Variants in RBMS3 observed in about 807,000 individuals in gnomAD.
RBMS3 encodes the protein RNA-binding motif, single-stranded-interacting protein 3.
A neutral mutation model predicts 66.8 loss-of-function variants in RBMS3; 27 were observed. The observed-to-expected ratio is 0.40, with a 90% CI of 0.30 to 0.56. The LOEUF (loss-of-function observed/expected upper bound fraction) is 0.56. Ranked by LOEUF, RBMS3 falls within the 20% of genes least tolerant of loss-of-function variation. The pLI is 0.40. For synonymous variants in RBMS3, 188 were observed against 183.0 expected (o/e 1.03, Z -0.22); for missense variants, 513 against 549.5 (o/e 0.93, Z 0.66).
intron 3 of RBMS3, among the ~76,000 whole-genome samples, chr3:29,513,757 G>T (rs2044505612): frequency 6.6e-6 from 1 of 151,918 alleles, no homozygotes; most frequent in Non-Finnish European, 1.5e-5. Context: ...CATTTCTGTT[G>T]CCTTCTATTT....
intron 4 of RBMS3, among the ~76,000 whole-genome samples, chr3:29,659,096 C>T (rs764251287): frequency 4.6e-5 from 7 of 152,164 alleles, no homozygotes; most frequent in Non-Finnish European, 1.0e-4. Flanking sequence ...GGATTCGAGG[C>T]ATGAGCCACA....
chr3:29,466,368 T>A (rs1373160694), intron 2 of RBMS3, among the ~76,000 whole-genome samples: 1 of 152,134 alleles, frequency 6.6e-6, no homozygotes, highest in Non-Finnish European at 1.5e-5. Flanking sequence ...CAGTGAACTC[T>A]CCAAAATGCT....
chr3:29,697,142 A>G (rs2052316833), intron 4 of RBMS3: 3 of 977,002 alleles, frequency 3.1e-6, no homozygotes, highest in Non-Finnish European at 3.6e-6. Flanking sequence ...TTTCTTATAC[A>G]GTAATATGGA....
At chr3:29,840,298 TA>T (rs1420760110) in intron 6 of RBMS3, among the ~76,000 whole-genome samples, 1 of 152,066 alleles carries the variant, frequency 6.6e-6, no homozygotes, top group African/African-American at 2.4e-5. Context: ...AAAGTTACAT[TA>T]AAAATGTACT....
At chr3:29,988,303 G>GTGTAGTCCCCCAT in intron 13 of RBMS3, 80 bp downstream of exon 13, 2 of 1,203,654 alleles carry the variant, frequency 1.7e-6, no homozygotes, top group South Asian at 2.6e-5. Context: ...ATAACCATAG[G>GTGTAGTCCCCCAT]AATCCTCACT....
intron 1 of RBMS3, among the ~76,000 whole-genome samples, chr3:29,428,449 A>G (rs1575788006): frequency 6.6e-6 from 1 of 151,962 alleles, no homozygotes; most frequent in African/African-American, 2.4e-5. Flanking sequence ...ATTCACTACA[A>G]CCCCGCCTGC....
At chr3:29,348,839 A>T (rs904914083) in intron 1 of RBMS3, among the ~76,000 whole-genome samples, 14 of 152,178 alleles carry the variant, frequency 9.2e-5, no homozygotes, top group African/African-American at 2.4e-5. Flanking sequence ...TTTAATAAAA[A>T]TGTAGATTAA....
chr3:29,919,825 A>G (rs938721969), intron 10 of RBMS3, among the ~76,000 whole-genome samples: 4 of 152,200 alleles, frequency 2.6e-5, no homozygotes, highest in Non-Finnish European at 4.4e-5. Flanking sequence ...TCAGCATTGT[A>G]CATTGTCAAC....
intron 4 of RBMS3, among the ~76,000 whole-genome samples, chr3:29,600,152 T>C (rs1401346204): frequency 6.6e-6 from 1 of 152,084 alleles, no homozygotes; most frequent in African/African-American, 2.4e-5. Context: ...TTTTTAGTGT[T>C]TGAGCTGTTA....
chr3:29,864,928 AAGAG>A (rs1234748121), intron 6 of RBMS3, among the ~76,000 whole-genome samples: 1 of 127,310 alleles, frequency 7.9e-6, no homozygotes, highest in African/African-American at 3.0e-5. Flanking sequence ...GGAAGGAAGG[AAGAG>A]AGAGAGAGGA....
intron 1 of RBMS3, among the ~76,000 whole-genome samples, chr3:29,416,083 T>C (rs2040466623): frequency 6.6e-6 from 1 of 152,186 alleles, no homozygotes; most frequent in Non-Finnish European, 1.5e-5. Flanking sequence ...TGCTTTCAAC[T>C]TTCTTGGTGC....
intron 14 of RBMS3, among the ~76,000 whole-genome samples, chr3:30,003,390 G>A (rs1245932674): frequency 5.3e-5 from 8 of 151,930 alleles, no homozygotes; most frequent in Admixed American, 4.6e-4. Context: ...GTAGAGAAGG[G>A]GAAGAGGAAA....
At chr3:29,902,339 T>G (rs1346559271) in intron 10 of RBMS3, among the ~76,000 whole-genome samples, 1 of 151,934 alleles carries the variant, frequency 6.6e-6, no homozygotes, top group East Asian at 1.9e-4. Flanking sequence ...ATGCTTTAAA[T>G]TATCCCAGTT....
chr3:29,669,480 C>T (rs2050902372), intron 4 of RBMS3, among the ~76,000 whole-genome samples: 1 of 152,112 alleles, frequency 6.6e-6, no homozygotes, highest in South Asian at 2.1e-4. Context: ...GTGTTCCAGC[C>T]CTAGATTCAT....
intron 14 of RBMS3, among the ~76,000 whole-genome samples, chr3:29,997,524 A>G (rs1282302143): frequency 6.7e-6 from 1 of 150,214 alleles, no homozygotes; most frequent in Non-Finnish European, 1.5e-5. Flanking sequence ...CCTCAATAAA[A>G]TACTGGCAAA....
At chr3:29,990,119 C>G (rs972877618) in intron 13 of RBMS3, among the ~76,000 whole-genome samples, 1 of 152,026 alleles carries the variant, frequency 6.6e-6, no homozygotes, top group Non-Finnish European at 1.5e-5. Context: ...TGAAAACACT[C>G]ATTGAACATT....
At chr3:29,299,720 T>C (rs1044676217) in intron 1 of RBMS3, among the ~76,000 whole-genome samples, 5 of 151,924 alleles carry the variant, frequency 3.3e-5, no homozygotes, top group African/African-American at 1.2e-4. Context: ...TGGGAGGATA[T>C]GCATAAGTTA....
chr3:29,613,927 G>A (rs2048572747), intron 4 of RBMS3, among the ~76,000 whole-genome samples: 1 of 151,998 alleles, frequency 6.6e-6, no homozygotes, highest in African/African-American at 2.4e-5. Context: ...AAGATTTTTT[G>A]AAAAATTAAA....
intron 2 of RBMS3, among the ~76,000 whole-genome samples, chr3:29,453,685 T>C (rs2042084391): frequency 6.6e-6 from 1 of 152,180 alleles, no homozygotes; most frequent in Non-Finnish European, 1.5e-5. Context: ...CACGTAAAGT[T>C]AAGAGATTTC....
Sources: gnomAD v4.1 joint callset for allele counts (sites outside exome capture counted in the v4.1 genomes callset) on GRCh38, gnomAD v4.1.1 for gene constraint, MANE v1.5 for transcripts, NCBI Gene and HGNC (gene_info 2026-07-23, HGNC 2026-07-21) for gene names.